Variants in WDR43 observed in about 807,000 individuals in gnomAD.
WDR43 encodes the protein WD repeat domain 43, also known as WD repeat-containing protein 43.
WDR43 carries 13 observed loss-of-function variants against 91.4 expected under a neutral mutation model. The observed-to-expected ratio is 0.14, with a 90% CI of 0.09 to 0.23. The LOEUF is 0.23. Among genes scored for constraint, WDR43 ranks in the 10% least tolerant of loss-of-function variants. The pLI is 1.00. For missense variants in WDR43, 780 were observed against 809.4 expected (o/e 0.96, Z 0.44); for synonymous variants, 331 against 287.9 (o/e 1.15, Z -1.51).
intron 14 of WDR43, among the ~76,000 whole-genome samples, chr2:28,939,194 TGA>T (rs1188815170): frequency 6.0e-5 from 9 of 150,344 alleles, no homozygotes; most frequent in African/African-American, 2.2e-4. Flanking sequence ...GGAGCACTGG[TGA>T]GAGGGGTTTT....
At chr2:28,895,330 C>T (rs188210776) in intron 1 of WDR43, 5 of 167,344 alleles carry the variant, frequency 3.0e-5, no homozygotes, top group Admixed American at 6.4e-5. Context: ...TGATCCGGCT[C>T]ATCAGTTTTG....
intron 1 of WDR43, among the ~76,000 whole-genome samples, chr2:28,897,742 TG>T (rs1015805011): frequency 5.9e-5 from 9 of 152,220 alleles, no homozygotes. Flanking sequence ...CTGGGTTTCT[TG>T]GGTAACGGGT....
chr2:28,918,436 G>A (rs374202868), intron 6 of WDR43, among the ~76,000 whole-genome samples: 20 of 151,792 alleles, frequency 1.3e-4, no homozygotes, highest in African/African-American at 3.6e-4. Flanking sequence ...TGGCACGGTC[G>A]CGACTAACCA....
At position 28,922,972 on chromosome 2, in the gene WDR43, C is replaced by T; in HGVS notation, c.903C>T (p.His301=). 1 of 1,608,480 alleles carries T rather than the reference C, an allele frequency of 6.2e-7. No individual in the cohort carries two copies. Among genetic ancestry groups the T allele is most frequent in the Non-Finnish European group, 8.5e-7 (1 of 1,178,522 alleles). ...ATGGTCAAGTCCATCTTTTTGAACA[C>T]ATATTAAATGGGTAAGTAAGAAATT... ...CRDGQVHLFE[H]ILNGYCKKPL... Residue 301 remains histidine (H), a synonymous_variant, in exon 7 of 18, where the codon CAC becomes CAT. Coordinates refer to ENST00000407426, the MANE Select transcript of WDR43 (RefSeq NM_015131.3).
At chr2:28,926,103 A>G (rs889214648) in intron 8 of WDR43, among the ~76,000 whole-genome samples, 1 of 152,218 alleles carries the variant, frequency 6.6e-6, no homozygotes, top group African/African-American at 2.4e-5. Flanking sequence ...ACCATTTACT[A>G]TTTTGAGCAG....
intron 11 of WDR43, among the ~76,000 whole-genome samples, 170 bp downstream of exon 11, chr2:28,929,880 A>G (rs1391662828): frequency 6.6e-6 from 1 of 152,154 alleles, no homozygotes; most frequent in Non-Finnish European, 1.5e-5. Context: ...ACAGACAGTC[A>G]CCAACCTACA....
intron 3 of WDR43, among the ~76,000 whole-genome samples, chr2:28,909,868 G>C (rs1670756964): frequency 6.6e-6 from 1 of 152,174 alleles, no homozygotes; most frequent in African/African-American, 2.4e-5. Flanking sequence ...GTGAGACCCT[G>C]TTTGGGGGAA....
intron 5 of WDR43, 56 bp from the exon 6 acceptor site, chr2:28,917,837 T>G (rs1670943985): frequency 6.6e-7 from 1 of 1,508,104 alleles, no homozygotes; most frequent in South Asian, 1.2e-5. Context: ...TGTTTGCCTT[T>G]TTAGGAAGAA....
intron 16 of WDR43, among the ~76,000 whole-genome samples, chr2:28,942,598 G>A (rs915636602): frequency 1.3e-5 from 2 of 149,746 alleles, no homozygotes; most frequent in Non-Finnish European, 3.0e-5. Context: ...CATTAGTTAT[G>A]GAAGATTTTT....
intron 4 of WDR43, among the ~76,000 whole-genome samples, chr2:28,913,433 C>T (rs1191744060): frequency 1.3e-5 from 2 of 152,146 alleles, no homozygotes; most frequent in Non-Finnish European, 1.5e-5. Flanking sequence ...CAGGCTCAAG[C>T]GATGTCTCAC....
intron 11 of WDR43, among the ~76,000 whole-genome samples, chr2:28,933,621 G>A (rs996750749): frequency 3.9e-5 from 6 of 152,196 alleles, no homozygotes; most frequent in Non-Finnish European, 7.4e-5. Context: ...CAAAATATTA[G>A]CAACTCATGT....
At chr2:28,912,766 G>C in intron 4 of WDR43, 56 bp downstream of exon 4, 1 of 1,591,014 alleles carries the variant, frequency 6.3e-7, no homozygotes. Flanking sequence ...CACAGAGAAA[G>C]GCAGAAGTTT....
intron 12 of WDR43, 131 bp downstream of exon 12, chr2:28,935,738 T>C (rs1572601532): frequency 6.5e-6 from 2 of 308,220 alleles, no homozygotes; most frequent in East Asian, 1.0e-4. Context: ...TGGAGGAAAG[T>C]ACTTTAGACA....
Position 28,947,416 on chromosome 2 carries a change from A to AT in WDR43, c.*644dup, listed in dbSNP as rs1220291395. On this transcript the variant is annotated 3_prime_UTR_variant, in exon 18 of 18. Coordinates refer to ENST00000407426, the MANE Select transcript of WDR43 (RefSeq NM_015131.3). ...TATTTTTGAAGCTATCATGTGAAGT[A>AT]TTTTTTTAAAACAAAACAAAAATTA... 3.3e-5 allele frequency: 5 copies of AT among 152,122 alleles called. No homozygotes were observed. The highest frequency in any genetic ancestry group is 7.2e-5 in the African/African-American group (3 of 41,434). 9.4% of individuals were successfully genotyped at this position (152,122 alleles called of 1,614,324 possible).
chr2:28,912,543 G>A (rs1438289435), intron 3 of WDR43, 47 bp from the exon 4 acceptor site: 3 of 1,587,924 alleles, frequency 1.9e-6, no homozygotes, highest in Non-Finnish European at 2.6e-6. Context: ...TCTGAGTAAA[G>A]TTTTCTCTCA....
intron 8 of WDR43, among the ~76,000 whole-genome samples, chr2:28,925,796 T>G (rs143908287): frequency 6.6e-6 from 1 of 152,106 alleles, no homozygotes; most frequent in Admixed American, 6.5e-5. Context: ...ATGGTTTAAT[T>G]AAAAAAATAA....
chr2:28,946,747 T>C lies in WDR43; in HGVS notation c.2002T>C (p.Leu668=). 6.3e-7 allele frequency: 1 copy of C among 1,583,618 alleles called. No individual in the cohort carries two copies. Among genetic ancestry groups the C allele is most frequent in the Non-Finnish European group, 8.6e-7 (1 of 1,165,594 alleles). The change falls in exon 18 of 18, where the codon TTA becomes CTA. Residue 668 remains leucine, a synonymous_variant. Transcript: ENST00000407426. ...SEKELNGDSD[L]DPENESEEE ...AAAAGAATTAAATGGAGATTCTGAT[T>C]TAGATCCTGAAAATGAAAGTGAAGA... is the stretch of plus-strand genomic sequence containing the variant.
chr2:28,913,165 A>ATG (rs1455910668), intron 4 of WDR43, among the ~76,000 whole-genome samples: 1 of 152,118 alleles, frequency 6.6e-6, no homozygotes, highest in Admixed American at 6.5e-5. Context: ...CGTGTTAGCT[A>ATG]TGATGGTCTC....
chr2:28,901,489 T>C (rs1326067505), intron 1 of WDR43, among the ~76,000 whole-genome samples: 1 of 152,222 alleles, frequency 6.6e-6, no homozygotes, highest in African/African-American at 2.4e-5. Context: ...TAATGCACGT[T>C]TATAAAGGTA....
Sources: allele counts gnomAD v4.1 joint callset (sites outside exome capture counted in the v4.1 genomes callset), GRCh38; gene constraint gnomAD v4.1.1; transcripts MANE v1.5; gene names NCBI Gene and HGNC (gene_info 2026-07-23, HGNC 2026-07-21).